SUGCT: variants seen among roughly 807,000 people sequenced by gnomAD.
SUGCT encodes succinyl-CoA:glutarate CoA-transferase.
SUGCT carries 41 observed loss-of-function variants against 55.0 expected under a neutral mutation model. The observed-to-expected ratio is 0.74, with a 90% CI of 0.58 to 0.97. SUGCT has a LOEUF of 0.97. Among genes scored for constraint, SUGCT ranks in the 50% least tolerant of loss-of-function variants. The pLI, the probability that SUGCT is intolerant of heterozygous loss-of-function variation, is 0.00. For synonymous variants in SUGCT, 187 were observed against 200.4 expected (o/e 0.93, Z 0.56); for missense variants, 568 against 547.8 (o/e 1.04, Z -0.37).
rs1037899428 is a variant in SUGCT at position 40,367,249 on chromosome 7, A to G, written c.816+50394A>G. ...ATGGACACAGGAAGGGTAACATCAC[A>G]CTCCGGGGACTGTTGTGGGGTGGGG... On this transcript the variant is annotated intron_variant, in intron 9 of 13. Transcript: ENST00000335693. Among the ~76,000 whole-genome samples the G allele has an allele frequency of 9.5e-5, 11 of 116,268 alleles. 1 individual carries two copies. In the Middle Eastern group the frequency reaches 0.015, roughly 155 times the overall value. 76.3% of individuals were successfully genotyped at this position (116,268 alleles called of 152,430 possible). A position where few individuals can be genotyped will look rare whatever the true frequency, so the allele number is the denominator to read the frequency against.
At chr7:40,406,278 A>G (rs1562753435) in intron 9 of SUGCT, among the ~76,000 whole-genome samples, 2 of 152,158 alleles carry the variant, frequency 1.3e-5, no homozygotes, top group African/African-American at 4.8e-5. Flanking sequence ...AGGTTTGACA[A>G]TGGTAATATT....
At chr7:40,673,245 T>C (rs982807251) in intron 12 of SUGCT, among the ~76,000 whole-genome samples, 1 of 152,240 alleles carries the variant, frequency 6.6e-6, no homozygotes, top group Non-Finnish European at 1.5e-5. Flanking sequence ...CTTTCTTCTA[T>C]GTATCAGGAG....
intron 13 of SUGCT, among the ~76,000 whole-genome samples, chr7:40,787,099 A>G (rs1790051933): frequency 6.6e-6 from 1 of 152,250 alleles, no homozygotes; most frequent in Admixed American, 6.5e-5. Context: ...AATACTCATT[A>G]CAATATTGTA....
the SUGCT span, among the ~76,000 whole-genome samples, chr7:41,021,617 C>T: frequency 6.6e-6 from 1 of 151,192 alleles, no homozygotes; most frequent in Admixed American, 6.6e-5. Context: ...TATTAATGCC[C>T]CCCACCCCCA....
chr7:40,921,677 CT>C, the SUGCT span, among the ~76,000 whole-genome samples: 1 of 152,222 alleles, frequency 6.6e-6, no homozygotes, highest in East Asian at 1.9e-4. Flanking sequence ...CTGTCATCTC[CT>C]GCAGAGGCCT....
chr7:40,634,793 AG>A (rs2151815039), intron 12 of SUGCT, among the ~76,000 whole-genome samples: 1 of 152,356 alleles, frequency 6.6e-6, no homozygotes, highest in East Asian at 1.9e-4. Context: ...AAGATAAAAA[AG>A]GAATGAGTAT....
At chr7:40,795,610 A>G (rs934205061) in intron 13 of SUGCT, among the ~76,000 whole-genome samples, 1 of 152,178 alleles carries the variant, frequency 6.6e-6, no homozygotes, top group African/African-American at 2.4e-5. Flanking sequence ...CCGCATCGAC[A>G]CAGAGATATA....
intron 12 of SUGCT, among the ~76,000 whole-genome samples, chr7:40,719,084 G>C (rs539982812): frequency 6.6e-6 from 1 of 152,048 alleles, no homozygotes; most frequent in African/African-American, 2.4e-5. Context: ...CCGATGCCCC[G>C]ACATAGCTTA....
chr7:40,736,759 A>G lies in SUGCT; in HGVS notation c.1090-12675A>G, dbSNP rs550012735. The stretch of plus-strand genomic sequence containing the variant: ...AATACAAATCTTTTAGAAGAAAGAA[A>G]AAAAATAAAGAAAAAAATATCTTTA... On this transcript the variant is annotated intron_variant, in intron 12 of 13. Coordinates refer to ENST00000335693, the MANE Select transcript of SUGCT (RefSeq NM_001193313.2). Among the ~76,000 whole-genome samples the G allele has an allele frequency of 2.6e-5, 4 of 152,256 alleles. No individual in the cohort carries two copies. In the East Asian group the frequency reaches 7.7e-4, roughly 29 times the overall value.
At chr7:40,542,180 A>T (rs528336203) in intron 12 of SUGCT, among the ~76,000 whole-genome samples, 121 of 152,356 alleles carry the variant, frequency 7.9e-4, no homozygotes, top group African/African-American at 2.7e-3. Context: ...TGAATACTTT[A>T]TGCATAGTAT....
chr7:40,822,556 A>T (rs1293821114), intron 13 of SUGCT, among the ~76,000 whole-genome samples: 3 of 152,074 alleles, frequency 2.0e-5, no homozygotes, highest in African/African-American at 7.2e-5. Flanking sequence ...TGTTGGTTTA[A>T]AGTCTGGGTA....
chr7:40,321,647 T>G (rs1382417743), intron 9 of SUGCT, among the ~76,000 whole-genome samples: 1 of 152,156 alleles, frequency 6.6e-6, no homozygotes, highest in Non-Finnish European at 1.5e-5. Flanking sequence ...CCTCCCAAAG[T>G]GCTGAGATTC....
At chr7:40,952,916 T>G in the SUGCT span, among the ~76,000 whole-genome samples, 7 of 152,174 alleles carry the variant, frequency 4.6e-5, no homozygotes, top group African/African-American at 1.7e-4. Context: ...TTGGTGAATC[T>G]GACAATTAGG....
chr7:40,641,013 C>T (rs1800246676), intron 12 of SUGCT, among the ~76,000 whole-genome samples: 1 of 152,192 alleles, frequency 6.6e-6, no homozygotes, highest in African/African-American at 2.4e-5. Context: ...CAGATATTAA[C>T]AAATAGCCTT....
At chr7:40,521,823 G>C (rs908250795) in intron 12 of SUGCT, among the ~76,000 whole-genome samples, 1 of 151,976 alleles carries the variant, frequency 6.6e-6, no homozygotes. Flanking sequence ...CTTCATTTGC[G>C]CTAATAATAG....
chr7:40,914,446 C>A, the SUGCT span, among the ~76,000 whole-genome samples: 1 of 152,040 alleles, frequency 6.6e-6, no homozygotes, highest in East Asian at 1.9e-4. Flanking sequence ...TCTACAAAGC[C>A]AGGTCTTCTC....
intron 13 of SUGCT, among the ~76,000 whole-genome samples, chr7:40,784,194 T>G (rs1017949819): frequency 6.6e-5 from 10 of 152,104 alleles, no homozygotes; most frequent in Admixed American, 5.9e-4. Flanking sequence ...AAGCAGGTAG[T>G]TTGGAGCCAT....
intron 8 of SUGCT, among the ~76,000 whole-genome samples, chr7:40,277,425 A>G (rs1658898011): frequency 6.6e-6 from 1 of 151,478 alleles, no homozygotes; most frequent in African/African-American, 2.4e-5. Context: ...CCTGACCTTG[A>G]GTGATCCACC....
intron 9 of SUGCT, among the ~76,000 whole-genome samples, chr7:40,445,421 A>C (rs966424850): frequency 6.6e-6 from 1 of 152,230 alleles, no homozygotes; most frequent in African/African-American, 2.4e-5. Context: ...ATTCCTGGAC[A>C]CATACACCCT....
Sources: gnomAD v4.1 joint callset for allele counts (sites outside exome capture counted in the v4.1 genomes callset) on GRCh38, gnomAD v4.1.1 for gene constraint, MANE v1.5 for transcripts, NCBI Gene and HGNC (gene_info 2026-07-23, HGNC 2026-07-21) for gene names.